The following ENPP7 variants were observed in gnomAD, a reference collection of about 807,000 sequenced individuals.
ENPP7 encodes the protein ectonucleotide pyrophosphatase/phosphodiesterase 7.
ENPP7 carries 39 observed loss-of-function variants against 33.6 expected under a neutral mutation model. The ratio of observed to expected loss-of-function variants is 1.16; its 90% CI spans 0.90 to 1.52. The LOEUF is 1.52. ENPP7 is among the 40% of genes most tolerant of loss of function. ENPP7 has a pLI of 0.00. For missense variants in ENPP7, 594 were observed against 641.0 expected (o/e 0.93, Z 0.79); for synonymous variants, 244 against 274.3 (o/e 0.89, Z 1.09).
In ENPP7 at chr17:79,737,155, C is replaced by T; in HGVS notation, c.1141C>T (p.Pro381Ser). Residue 381 changes from proline to serine, a missense_variant, in exon 4 of 6, where the codon CCC becomes TCC. Transcript: ENST00000328313. The surrounding 1 kb of genome is among the most constrained non-coding windows in gnomAD (Gnocchi z 5.5). ...PSFRAGLEVE[P>S]FESVHVYELM... ...CTTCAGGGCGGGCCTGGAGGTGGAG[C>T]CCTTTGAGAGCGTCCACGTGTACGA... 3.7e-6 allele frequency: 6 copies of T among 1,613,950 alleles called. No individual in the cohort carries two copies. The highest frequency in any genetic ancestry group is 5.1e-6 in the Non-Finnish European group (6 of 1,180,012).
chr17:79,731,481 A>T, intron 1 of ENPP7, 89 bp downstream of exon 1: 1 of 1,453,430 alleles, frequency 6.9e-7, no homozygotes, highest in South Asian at 1.4e-5. Context: ...TAAAGGGGAG[A>T]GGTCCTTGCT....
At chr17:79,732,153 C>CAT (rs2094287791) in intron 1 of ENPP7, among the ~76,000 whole-genome samples, 12 of 73,706 alleles carry the variant, frequency 1.6e-4, no homozygotes, top group Non-Finnish European at 2.4e-4. Context: ...TATATATACA[C>CAT]ACACATATAT....
In ENPP7 at chr17:79,732,127, T is replaced by TATATATATACATATATACAC. The variant is rs1555822652; in HGVS notation, c.253+739_253+740insATATACATATATACACATAT. Among the ~76,000 whole-genome samples the TATATATATACATATATACAC allele has an allele frequency of 4.7e-3, 106 of 22,548 alleles. 24 individuals carry two copies. Among genetic ancestry groups the TATATATATACATATATACAC allele is most frequent in the South Asian group, 0.012 (9 of 764 alleles). The allele number at this position is 22,548 out of a possible 152,430, so 14.8% of individuals were successfully genotyped here. On this transcript the variant is annotated intron_variant, in intron 1 of 5. Coordinates refer to ENST00000328313, the MANE Select transcript of ENPP7 (RefSeq NM_178543.5). ...ATATATACATATATATATACATATA[T>TATATATATACATATATACAC]ATATGTATATATATATATATATACA...
At chr17:79,732,462 A>G in intron 1 of ENPP7, among the ~76,000 whole-genome samples, 1 of 152,118 alleles carries the variant, frequency 6.6e-6, no homozygotes, top group East Asian at 1.9e-4. Flanking sequence ...TTAAACCCAC[A>G]GAAACGGATC....
In ENPP7 at chr17:79,737,492, CAAGAAG is replaced by C. The variant is rs1373253367; in HGVS notation, c.1246+233_1246+238del. On this transcript the variant is annotated intron_variant, in intron 4 of 5. Transcript: ENST00000328313. This position sits in a 1 kb window ranked among gnomAD's most constrained non-coding sequence, Gnocchi z 5.5. ...AGGGGGAGGAGTGGGCAGTCTTGCT[CAAGAAG>C]GGGCTGGAGGGAGCGAGGGTGGCCC... Among the ~76,000 whole-genome samples the C allele has an allele frequency of 1.8e-4, 27 of 152,292 alleles. No homozygotes were observed. Among genetic ancestry groups the C allele is most frequent in the Non-Finnish European group, 3.5e-4 (24 of 68,010 alleles).
Position 79,738,299 on chromosome 17 carries a change from A to G in ENPP7, c.*16+237A>G. Reference sequence around the variant, plus strand: ...GGTCTTTCCAGAGCAGACCACCCGGACCAGTGGCCAGAATTCCCACCCTCC... The same window carrying G: ...GGTCTTTCCAGAGCAGACCACCCGGGCCAGTGGCCAGAATTCCCACCCTCC... On this transcript the variant is annotated intron_variant, in intron 5 of 5. Transcript: ENST00000328313. The surrounding 1 kb of genome is among the most constrained non-coding windows in gnomAD (Gnocchi z 6.2). 1 of 456,552 alleles carries G rather than the reference A, an allele frequency of 2.2e-6. No individual in the cohort carries two copies. Among genetic ancestry groups the G allele is most frequent in the South Asian group, 3.2e-5 (1 of 30,926 alleles). 28.3% of individuals were successfully genotyped at this position (456,552 alleles called of 1,614,324 possible).
At position 79,735,540 on chromosome 17, in the gene ENPP7, C is replaced by G. The variant is rs11657217; in HGVS notation, c.897C>G (p.Ala299=). ...KEGRLEKVYD[A]LKDAHPKLHV... is the part of the protein sequence containing the mutation. Reference sequence around the variant, plus strand: ...GGAGGCTGGAGAAGGTGTACGATGCCCTCAAGGACGCCCACCCCAAGCTCC... The same window carrying G: ...GGAGGCTGGAGAAGGTGTACGATGCGCTCAAGGACGCCCACCCCAAGCTCC... The change falls in exon 3 of 6, where the codon GCC becomes GCG. Residue 299 remains alanine, a synonymous_variant. Coordinates refer to ENST00000328313, the MANE Select transcript of ENPP7 (RefSeq NM_178543.5). This position sits in a 1 kb window ranked among gnomAD's most constrained non-coding sequence, Gnocchi z 5.5. 0.31 allele frequency: 501,007 copies of G among 1,613,432 alleles called. 80,560 individuals are homozygous for G. The highest frequency in any genetic ancestry group is 0.47 in the African/African-American group (35,169 of 74,840).
rs1441658860 is a variant in ENPP7, at chr17:79,737,530, G to A, written c.1246+270G>A. On this transcript the variant is annotated intron_variant, in intron 4 of 5. Transcript: ENST00000328313. The surrounding 1 kb of genome is among the most constrained non-coding windows in gnomAD (Gnocchi z 5.5). ...GAGGGAGCGAGGGTGGCCCAGGCGG[G>A]CCTGCTGTGCAGAGCCCACCTCCTG... 6.6e-6 allele frequency among the ~76,000 whole-genome samples: 1 copy of A among 152,114 alleles called. No individual in the cohort carries two copies. The highest frequency in any genetic ancestry group is 1.5e-5 in the Non-Finnish European group (1 of 67,982).
chr17:79,737,856 G>A lies in ENPP7; in HGVS notation c.1247-60G>A. On this transcript the variant is annotated intron_variant, in intron 4 of 5. Coordinates refer to ENST00000328313, the MANE Select transcript of ENPP7 (RefSeq NM_178543.5). This position sits in a 1 kb window ranked among gnomAD's most constrained non-coding sequence, Gnocchi z 5.5. ...CAACAGAGGACCCCGAGTTTACTGT[G>A]GAGAGGCTGGGGTGAGGAGCCATCC... The A allele has an allele frequency of 2.5e-6, 4 of 1,586,166 alleles. No individual in the cohort carries two copies. The highest frequency in any genetic ancestry group is 3.5e-6 in the Non-Finnish European group (4 of 1,158,992).
At position 79,738,318 on chromosome 17, in the gene ENPP7, A is replaced by C. The variant is rs1598203765; in HGVS notation, c.*16+256A>C. 3.9e-5 allele frequency: 15 copies of C among 386,082 alleles called. No individual in the cohort carries two copies. The highest frequency in any genetic ancestry group is 4.3e-5 in the South Asian group (1 of 23,230). 23.9% of individuals were successfully genotyped at this position (386,082 alleles called of 1,614,324 possible). A position where few individuals can be genotyped will look rare whatever the true frequency, so the allele number is the denominator to read the frequency against. On this transcript the variant is annotated intron_variant, in intron 5 of 5. Transcript: ENST00000328313. This position sits in a 1 kb window ranked among gnomAD's most constrained non-coding sequence, Gnocchi z 6.2. ...ACCCGGACCAGTGGCCAGAATTCCC[A>C]CCCTCCCCCAAAAGCCAGAACTCCC...
At chr17:79,732,054 C>T (rs1198218825) in intron 1 of ENPP7, among the ~76,000 whole-genome samples, 20 of 145,132 alleles carry the variant, frequency 1.4e-4, no homozygotes, top group African/African-American at 4.3e-4. Flanking sequence ...GCTGAGATCG[C>T]ACCACTGCAC....
chr17:79,735,681 G>A lies in ENPP7; in HGVS notation c.1026+12G>A. The A allele has an allele frequency of 6.3e-7, 1 of 1,593,560 alleles. No individual in the cohort carries two copies. Among genetic ancestry groups the A allele is most frequent in the Non-Finnish European group, 8.6e-7 (1 of 1,167,486 alleles). The stretch of plus-strand genomic sequence containing the variant: ...ACGTCATCCATGGGGTGAGTCGCCT[G>A]CTGGAGGCACCACCTCCAGGGGCTC... On this transcript the variant is annotated intron_variant, in intron 3 of 5. Coordinates refer to ENST00000328313, the MANE Select transcript of ENPP7 (RefSeq NM_178543.5). This position sits in a 1 kb window ranked among gnomAD's most constrained non-coding sequence, Gnocchi z 5.5.
chr17:79,732,253 G>A (rs1416072188), intron 1 of ENPP7, among the ~76,000 whole-genome samples: 1 of 149,360 alleles, frequency 6.7e-6, no homozygotes, highest in Admixed American at 6.8e-5. Context: ...CTCCAGCCTG[G>A]GTGACAGAGC....
chr17:79,736,554 T>TAC, intron 3 of ENPP7, among the ~76,000 whole-genome samples: 1 of 147,668 alleles, frequency 6.8e-6, no homozygotes, highest in South Asian at 2.1e-4. Context: ...TGTGTGTGTG[T>TAC]GTGTGTGTGT....
At chr17:79,736,976 A>G in intron 3 of ENPP7, 65 bp from the exon 4 acceptor site, 1 of 1,387,082 alleles carries the variant, frequency 7.2e-7, no homozygotes, top group Non-Finnish European at 1.0e-6. Context: ...TAGGGTGGAT[A>G]GGGTAGGCGG....
At chr17:79,733,481 C>T (rs180944528) in intron 1 of ENPP7, 27 bp from the exon 2 acceptor site, 48 of 1,608,300 alleles carry the variant, frequency 3.0e-5, no homozygotes, top group South Asian at 2.0e-4. Flanking sequence ...TCCATCCCGC[C>T]GCCCTCTGCA....
chr17:79,735,369 C>G lies in ENPP7; in HGVS notation c.726C>G (p.Ile242Met), dbSNP rs1555823340. 1.2e-6 allele frequency: 2 copies of G among 1,614,024 alleles called. No individual in the cohort carries two copies. The highest frequency in any genetic ancestry group is 1.7e-6 in the Non-Finnish European group (2 of 1,180,022). The change falls in exon 3 of 6, where the codon ATC becomes ATG. Residue 242 changes from isoleucine to methionine, a missense_variant. By Grantham distance (10) the Ile-to-Met change is conservative. Around this residue, in one of 3 missense-constraint regions of ENPP7, gnomAD observed 504 missense variants for 512.8 expected, o/e 0.98. Transcript: ENST00000328313. This position sits in a 1 kb window ranked among gnomAD's most constrained non-coding sequence, Gnocchi z 5.5. ...RNHLTDRLNLIITSDHGMTTV... is the reference protein window; with the variant it reads ...RNHLTDRLNLMITSDHGMTTV... ...ACCTCACAGACCGCCTCAACCTGAT[C>G]ATCACATCCGACCACGGCATGACGA...
chr17:79,731,422 G>T, intron 1 of ENPP7, 30 bp downstream of exon 1: 1 of 1,586,766 alleles, frequency 6.3e-7, no homozygotes, highest in Non-Finnish European at 8.6e-7. Context: ...GGGGCCTGGG[G>T]GTGGGAGGGC....
Position 79,738,113 on chromosome 17 carries a change from C to T in ENPP7, c.*16+51C>T. The T allele has an allele frequency of 6.4e-7, 1 of 1,572,244 alleles. No homozygotes were observed. Among genetic ancestry groups the T allele is most frequent in the Non-Finnish European group, 8.6e-7 (1 of 1,158,778 alleles). On this transcript the variant is annotated intron_variant, in intron 5 of 5. Coordinates refer to ENST00000328313, the MANE Select transcript of ENPP7 (RefSeq NM_178543.5). The surrounding 1 kb of genome is among the most constrained non-coding windows in gnomAD (Gnocchi z 6.2). ...GGAGGGTGGCCCCACGCTCCCTGAC[C>T]CTCCACCCTGATGTCCCAGCTACAG...
Sources: allele counts gnomAD v4.1 joint callset (sites outside exome capture counted in the v4.1 genomes callset), GRCh38; gene constraint gnomAD v4.1.1; regional missense constraint gnomAD v4.1.1; non-coding constraint Gnocchi (gnomAD v3.1); transcripts MANE v1.5; gene names NCBI Gene and HGNC (gene_info 2026-07-23, HGNC 2026-07-21).